Variants in RHOBTB2 observed in about 807,000 individuals in gnomAD.
RHOBTB2 encodes Rho related BTB domain containing 2.
RHOBTB2 carries 39 observed loss-of-function variants against 66.5 expected under a neutral mutation model. The ratio of observed to expected loss-of-function variants is 0.59; its 90% confidence interval spans 0.45 to 0.77. The LOEUF (loss-of-function observed/expected upper bound fraction) is 0.77, where lower values mean the gene tolerates loss of function less well. RHOBTB2 is among the 30% of genes least tolerant of loss of function. The probability of loss-of-function intolerance (pLI) is 0.00; values close to 1 mark genes in which losing one functional copy is unlikely to be tolerated. For synonymous variants in RHOBTB2, 390 were observed against 395.0 expected, an observed-to-expected ratio of 0.99 and a Z score of 0.15; for missense variants, 755 against 999.1, an observed-to-expected ratio of 0.76 and a Z score of 3.29.
chr8:22,996,193 C>T (rs1810551363), upstream of RHOBTB2, among the ~76,000 whole-genome samples: 4 of 152,086 alleles, frequency 2.6e-5, no homozygotes, highest in South Asian at 4.1e-4. Context: ...AGAGGGGGTG[C>T]CTTCTGGGGA....
At chr8:22,990,969 T>G (rs1193902868) in intron 1 of RHOBTB2, among the ~76,000 whole-genome samples, 1 of 152,138 alleles carries the variant, frequency 6.6e-6, no homozygotes, top group African/African-American at 2.4e-5. Flanking sequence ...TCGGGGGGAA[T>G]AGCCATGTCC....
chr8:23,005,073 A>G (rs1320302806), intron 2 of RHOBTB2, among the ~76,000 whole-genome samples: 1 of 152,112 alleles, frequency 6.6e-6, no homozygotes. Flanking sequence ...CACCCATAGC[A>G]GTCCCTTAGG....
rs1171080950 is a variant in RHOBTB2 at position 23,017,018 on chromosome 8, C to T, written c.1967-234C>T. 6.6e-6 allele frequency among the ~76,000 whole-genome samples: 1 copy of T among 152,148 alleles called. No individual in the cohort carries two copies. The highest frequency in any genetic ancestry group is 2.1e-4 in the South Asian group (1 of 4,834). ...ACGCACAGGAAGCCCTTGTCTAGATCGCCCGTCTTTGGAAAGGAACCCAGC... is the reference window on the plus strand; with the variant it reads ...ACGCACAGGAAGCCCTTGTCTAGATTGCCCGTCTTTGGAAAGGAACCCAGC... On this transcript the variant is annotated intron_variant, in intron 9 of 9. Coordinates refer to ENST00000251822, the MANE Select transcript of RHOBTB2 (RefSeq NM_015178.3). This position sits in a 1 kb window ranked among gnomAD's most constrained non-coding sequence, Gnocchi z 5.3.
Position 23,004,015 on chromosome 8 carries a change from T to G in RHOBTB2, c.-10-410T>G. The G allele has an allele frequency of 3.6e-6, 1 of 281,092 alleles. No homozygotes were observed. Among genetic ancestry groups the G allele is most frequent in the Non-Finnish European group, 7.0e-6 (1 of 142,788 alleles). The allele number at this position is 281,092 out of a possible 1,614,324, so 17.4% of individuals were successfully genotyped here. On this transcript the variant is annotated intron_variant, in intron 1 of 9. Coordinates refer to ENST00000251822, the MANE Select transcript of RHOBTB2 (RefSeq NM_015178.3). This position sits in a 1 kb window ranked among gnomAD's most constrained non-coding sequence, Gnocchi z 6.4. ...GGGGTGGGGACGTGGCCGACTCTGC[T>G]TCTCTCAGCTGTTTGTTGTTCTGCT...
chr8:22,971,751 C>A, the RHOBTB2 span, among the ~76,000 whole-genome samples: 1 of 152,152 alleles, frequency 6.6e-6, no homozygotes, highest in Non-Finnish European at 1.5e-5. Flanking sequence ...CCAGTCTATC[C>A]TTTGAATGTG....
chr8:22,950,876 C>G, the RHOBTB2 span, among the ~76,000 whole-genome samples: 1 of 152,328 alleles, frequency 6.6e-6, no homozygotes, highest in Admixed American at 6.5e-5. Flanking sequence ...GAACACGGAG[C>G]CGCCATTTGG....
the RHOBTB2 span, among the ~76,000 whole-genome samples, chr8:22,957,486 G>T: frequency 2.0e-5 from 3 of 152,148 alleles, no homozygotes; most frequent in Non-Finnish European, 4.4e-5. Flanking sequence ...CTGACAAAGG[G>T]CACTTGCTGC....
At chr8:22,966,384 T>G in the RHOBTB2 span, among the ~76,000 whole-genome samples, 3 of 151,700 alleles carry the variant, frequency 2.0e-5, no homozygotes, top group Non-Finnish European at 4.4e-5. Context: ...AGAAAACTTA[T>G]GAGACCCAAC....
At chr8:22,990,880 A>G (rs1216619864) in intron 1 of RHOBTB2, among the ~76,000 whole-genome samples, 1 of 152,062 alleles carries the variant, frequency 6.6e-6, no homozygotes, top group Non-Finnish European at 1.5e-5. Context: ...CAGTCCCTGC[A>G]TCAGCTGCCT....
chr8:23,010,539 T>C lies in RHOBTB2; in HGVS notation c.1622T>C (p.Val541Ala). Reference protein sequence around the residue: ...GPFVESSTREVVFPYTSKSCM... With the variant: ...GPFVESSTREAVFPYTSKSCM... ...TCCGCTCACTCCTTCCCTCCCCAGGTGGTGTTTCCCTACACAAGCAAGAGC... is the reference window on the plus strand; with the variant it reads ...TCCGCTCACTCCTTCCCTCCCCAGGCGGTGTTTCCCTACACAAGCAAGAGC... The change falls in exon 7 of 10, where the codon GTG (valine) becomes GCG (alanine). Residue 541 changes from valine to alanine, a missense_variant and splice_region_variant. Physicochemically the swap from Val to Ala is moderately conservative, Grantham distance 64. Around this residue, in one of 7 missense-constraint regions of RHOBTB2, gnomAD observed 353 missense variants for 458.2 expected, o/e 0.77. Transcript: ENST00000251822. 1 of 1,612,546 alleles carries C rather than the reference T, an allele frequency of 6.2e-7. No homozygotes were observed.
At chr8:22,986,074 G>T (rs1044084345), upstream of RHOBTB2, among the ~76,000 whole-genome samples, 6 of 152,066 alleles carry the variant, frequency 3.9e-5, no homozygotes, top group African/African-American at 1.4e-4. Flanking sequence ...GAACCAGGGG[G>T]CCTCTGCCAG....
At chr8:22,973,013 C>T in the RHOBTB2 span, among the ~76,000 whole-genome samples, 1 of 152,204 alleles carries the variant, frequency 6.6e-6, no homozygotes, top group Non-Finnish European at 1.5e-5. Context: ...CCGGGAACTT[C>T]TCCAGCCTTC....
At position 23,018,985 on chromosome 8, in the gene RHOBTB2, C is replaced by G. The variant is rs960676273; in HGVS notation, c.*1516C>G. On this transcript the variant is annotated 3_prime_UTR_variant, in exon 10 of 10. Coordinates refer to ENST00000251822, the MANE Select transcript of RHOBTB2 (RefSeq NM_015178.3). ...CCCCCATGGGGCAGCAGCTGGGCCA[C>G]AATTGCCCCTTTCCGTTTTCTAACC... 3 of 152,428 alleles carry G rather than the reference C, an allele frequency of 2.0e-5. No individual in the cohort carries two copies. Among genetic ancestry groups the G allele is most frequent in the African/African-American group, 7.2e-5 (3 of 41,428 alleles). 9.4% of individuals were successfully genotyped at this position (152,428 alleles called of 1,614,324 possible). A position where few individuals can be genotyped will look rare whatever the true frequency, so the allele number is the denominator to read the frequency against.
chr8:22,997,367 C>A (rs1182486156), upstream of RHOBTB2, among the ~76,000 whole-genome samples: 1 of 152,034 alleles, frequency 6.6e-6, no homozygotes, highest in African/African-American at 2.4e-5. Flanking sequence ...GAACTGCATG[C>A]AAAAAGCAGG....
the RHOBTB2 span, among the ~76,000 whole-genome samples, chr8:22,980,093 T>C: frequency 1.3e-5 from 2 of 152,030 alleles, no homozygotes; most frequent in Admixed American, 6.6e-5. Flanking sequence ...TTAATATATA[T>C]GTAGAGAAGC....
At chr8:22,960,181 T>TAA in the RHOBTB2 span, among the ~76,000 whole-genome samples, 15,538 of 142,074 alleles carry the variant, frequency 0.11, 1,094 homozygotes, top group East Asian at 0.18. Context: ...AGACTCCATC[T>TAA]AAAAAAAAAA....
chr8:23,010,400 T>A (rs576755486), intron 6 of RHOBTB2, 138 bp from the exon 7 acceptor site: 2 of 942,056 alleles, frequency 2.1e-6, no homozygotes, highest in African/African-American at 3.3e-5. Context: ...TCTCAGCAGA[T>A]ACACATGCAG....
At chr8:23,011,613 T>C (rs1185322028) in intron 7 of RHOBTB2, among the ~76,000 whole-genome samples, 1 of 152,144 alleles carries the variant, frequency 6.6e-6, no homozygotes, top group African/African-American at 2.4e-5. Flanking sequence ...GCAGGCAGTC[T>C]GGGTCCAAGG....
intron 2 of RHOBTB2, among the ~76,000 whole-genome samples, chr8:22,992,871 G>A (rs1810457887): frequency 6.6e-6 from 1 of 152,246 alleles, no homozygotes. Context: ...GGGTAGGGAG[G>A]ACTGGGGGAA....
Sources: allele counts gnomAD v4.1 joint callset (sites outside exome capture counted in the v4.1 genomes callset), GRCh38; gene constraint gnomAD v4.1.1; regional missense constraint gnomAD v4.1.1; non-coding constraint Gnocchi (gnomAD v3.1); transcripts MANE v1.5; gene names NCBI Gene and HGNC (gene_info 2026-07-23, HGNC 2026-07-21).